ZHX2: variants seen among roughly 807,000 people sequenced by gnomAD.
ZHX2 encodes zinc fingers and homeoboxes 2, also known as zinc fingers and homeoboxes protein 2.
ZHX2 carries 6 observed loss-of-function variants against 21.9 expected under a neutral mutation model. That is an observed-to-expected ratio of 0.27 (90% CI 0.15 to 0.54). The LOEUF (loss-of-function observed/expected upper bound fraction) is 0.54, where lower values mean the gene tolerates loss of function less well. Among genes scored for constraint, ZHX2 ranks in the 20% least tolerant of loss-of-function variants. The pLI is 0.95. For synonymous variants in ZHX2, 434 were observed against 437.1 expected, an observed-to-expected ratio of 0.99 and a Z score of 0.09; for missense variants, 908 against 1,090.7, an observed-to-expected ratio of 0.83 and a Z score of 2.36.
chr8:122,904,603 T>C (rs1396398571), intron 2 of ZHX2, among the ~76,000 whole-genome samples: 1 of 151,968 alleles, frequency 6.6e-6, no homozygotes, highest in African/African-American at 2.4e-5. Flanking sequence ...ATGAGAAGGC[T>C]CCCCCTCAAG....
intron 2 of ZHX2, among the ~76,000 whole-genome samples, chr8:122,928,545 G>A (rs896368193): frequency 2.0e-5 from 3 of 152,178 alleles, no homozygotes; most frequent in African/African-American, 7.2e-5. Flanking sequence ...GAAGAGATGG[G>A]TAAGATCAGA....
chr8:122,841,581 C>A (rs182261643), intron 1 of ZHX2, among the ~76,000 whole-genome samples: 37 of 152,280 alleles, frequency 2.4e-4, no homozygotes, highest in African/African-American at 8.2e-4. Flanking sequence ...GCAGCCTGAG[C>A]AGAGAGGCAC....
chr8:122,863,872 T>C (rs1408345650), intron 2 of ZHX2, among the ~76,000 whole-genome samples: 1 of 152,064 alleles, frequency 6.6e-6, no homozygotes, highest in Non-Finnish European at 1.5e-5. Flanking sequence ...TAGGGAGATA[T>C]TCTTAGAACA....
rs530015283 is a variant in ZHX2, at chr8:122,958,933, G to T, written c.*4+4905G>T. 2.4e-3 allele frequency among the ~76,000 whole-genome samples: 363 copies of T among 152,322 alleles called. 1 individual carries two copies. The highest frequency in any genetic ancestry group is 4.4e-3 in the Non-Finnish European group (297 of 68,022). On this transcript the variant is annotated intron_variant, in intron 3 of 3. Transcript: ENST00000314393. ...ATCTCAGTTAATAAAGGTGAGAAAT[G>T]GACATAGAAACACCTGTTTCATGAG...
At chr8:122,873,716 C>A (rs545541988) in intron 2 of ZHX2, among the ~76,000 whole-genome samples, 1 of 152,226 alleles carries the variant, frequency 6.6e-6, no homozygotes, top group Admixed American at 6.5e-5. Flanking sequence ...GGTCATAGTC[C>A]GAAATGGGTC....
chr8:122,907,022 G>T (rs1820366097), intron 2 of ZHX2, among the ~76,000 whole-genome samples: 1 of 152,076 alleles, frequency 6.6e-6, no homozygotes, highest in African/African-American at 2.4e-5. Flanking sequence ...AATTTAAGTG[G>T]TTTCGACTTA....
chr8:122,880,796 G>C (rs1438128362), intron 2 of ZHX2, among the ~76,000 whole-genome samples: 1 of 145,382 alleles, frequency 6.9e-6, no homozygotes, highest in Non-Finnish European at 1.5e-5. Context: ...AAAATAGAGA[G>C]AGTGAGAGAT....
At chr8:122,879,350 A>G (rs1190735808) in intron 2 of ZHX2, among the ~76,000 whole-genome samples, 1 of 151,982 alleles carries the variant, frequency 6.6e-6, no homozygotes, top group Admixed American at 6.6e-5. Flanking sequence ...AGGATAACAG[A>G]CACATGCCAC....
At chr8:122,950,786 G>C (rs1243651290) in intron 2 of ZHX2, among the ~76,000 whole-genome samples, 4 of 151,870 alleles carry the variant, frequency 2.6e-5, no homozygotes, top group Non-Finnish European at 5.9e-5. Flanking sequence ...TGCAATATTG[G>C]GGGGGTGATT....
chr8:122,926,832 T>C (rs1179500065), intron 2 of ZHX2, among the ~76,000 whole-genome samples: 1 of 152,200 alleles, frequency 6.6e-6, no homozygotes, highest in Non-Finnish European at 1.5e-5. Flanking sequence ...TTCCCCCTGC[T>C]GCTGTCACGT....
intron 2 of ZHX2, among the ~76,000 whole-genome samples, chr8:122,926,565 C>G (rs1047280736): frequency 2.0e-5 from 3 of 152,150 alleles, no homozygotes; most frequent in Middle Eastern, 3.2e-3. Flanking sequence ...TGCAGTTGTT[C>G]GCTGTCAGGT....
At chr8:122,933,845 A>G (rs1812610259) in intron 2 of ZHX2, among the ~76,000 whole-genome samples, 1 of 152,172 alleles carries the variant, frequency 6.6e-6, no homozygotes, top group Admixed American at 6.5e-5. Flanking sequence ...CCTCATTATC[A>G]TACTCTTTCT....
chr8:122,869,391 G>A lies in ZHX2; in HGVS notation c.-220+5852G>A, dbSNP rs188032222. 2.2e-3 allele frequency among the ~76,000 whole-genome samples: 326 copies of A among 151,372 alleles called. 2 individuals are homozygous for A. Among genetic ancestry groups the A allele is most frequent in the African/African-American group, 7.7e-3 (317 of 41,186 alleles). Reference sequence around the variant, plus strand: ...CGCCCAGGCTGGAGTGCAGTGCTGCGATCTCGGCTCACTGCAACCTCCGCC... The same window carrying A: ...CGCCCAGGCTGGAGTGCAGTGCTGCAATCTCGGCTCACTGCAACCTCCGCC... On this transcript the variant is annotated intron_variant, in intron 2 of 3. Coordinates refer to ENST00000314393, the MANE Select transcript of ZHX2 (RefSeq NM_014943.5).
At chr8:122,796,563 CT>C (rs1475808780) in intron 1 of ZHX2, among the ~76,000 whole-genome samples, 19 of 152,184 alleles carry the variant, frequency 1.2e-4, no homozygotes, top group Non-Finnish European at 2.9e-5. Flanking sequence ...TCTGTAACAA[CT>C]GTGTGTAGGG....
chr8:122,837,908 C>T (rs1407878136), intron 1 of ZHX2, among the ~76,000 whole-genome samples: 1 of 152,176 alleles, frequency 6.6e-6, no homozygotes, highest in African/African-American at 2.4e-5. Flanking sequence ...TCAGACAGAC[C>T]CTTTCCTTCT....
At chr8:122,891,287 T>C (rs1819973494) in intron 2 of ZHX2, among the ~76,000 whole-genome samples, 2 of 133,864 alleles carry the variant, frequency 1.5e-5, no homozygotes, top group African/African-American at 5.4e-5. Context: ...TGTGTGTGTG[T>C]GTGTGTGTGT....
chr8:122,926,165 A>T (rs1409302640), intron 2 of ZHX2, among the ~76,000 whole-genome samples: 1 of 152,148 alleles, frequency 6.6e-6, no homozygotes, highest in Non-Finnish European at 1.5e-5. Flanking sequence ...TAGCTTTAAA[A>T]ATATATATAA....
At chr8:122,812,892 C>A (rs1418374975) in intron 1 of ZHX2, among the ~76,000 whole-genome samples, 1 of 152,126 alleles carries the variant, frequency 6.6e-6, no homozygotes, top group Non-Finnish European at 1.5e-5. Flanking sequence ...TTCTTTACCA[C>A]TACTCTAAGA....
rs1011685011 is a variant in ZHX2, at chr8:122,815,163, A to C, written c.-283+33217A>C. 1.8e-4 allele frequency among the ~76,000 whole-genome samples: 27 copies of C among 152,192 alleles called. 1 individual carries two copies. Among genetic ancestry groups the C allele is most frequent in the Non-Finnish European group, 7.3e-5 (5 of 68,028 alleles). Reference sequence around the variant, plus strand: ...TGTCTTTCTGTTATTATTTTTATACAAATCTTAATAGTTCCCATTTATTGT... The same window carrying C: ...TGTCTTTCTGTTATTATTTTTATACCAATCTTAATAGTTCCCATTTATTGT... On this transcript the variant is annotated intron_variant, in intron 1 of 3. Transcript: ENST00000314393.
Sources: gnomAD v4.1 joint callset for allele counts (sites outside exome capture counted in the v4.1 genomes callset) on GRCh38, gnomAD v4.1.1 for gene constraint, MANE v1.5 for transcripts, NCBI Gene and HGNC (gene_info 2026-07-23, HGNC 2026-07-21) for gene names.